The following MEFV variants were observed in gnomAD, a reference collection of about 807,000 sequenced individuals.
The protein encoded by MEFV is MEFV innate immunity regulator, pyrin, also known as pyrin.
MEFV carries 60 observed loss-of-function variants against 62.5 expected under a neutral mutation model. That is an observed-to-expected ratio of 0.96 (90% CI 0.78 to 1.19). MEFV has a LOEUF of 1.19. Among genes scored for constraint, MEFV ranks in the 50% most tolerant of loss-of-function variants. The pLI, the probability that MEFV is intolerant of heterozygous loss-of-function variation, is 0.00. For missense variants in MEFV, 1,169 were observed against 1,004.5 expected (o/e 1.16, Z -2.21); for synonymous variants, 500 against 415.2 (o/e 1.20, Z -2.48).
Position 3,244,923 on chromosome 16 carries a change from G to GA in MEFV, c.1611-336dup, listed in dbSNP as rs75994097. 9.2e-3 allele frequency among the ~76,000 whole-genome samples: 1,391 copies of GA among 151,554 alleles called. 16 individuals carry two copies. The highest frequency in any genetic ancestry group is 0.031 in the African/African-American group (1,286 of 41,354). ...CTATTGAAATAAAAAGATAATAAAT[G>GA]AAAAAAAAACACACACAACAAAATA... On this transcript the variant is annotated intron_variant, in intron 6 of 9. Coordinates refer to ENST00000219596, the MANE Select transcript of MEFV (RefSeq NM_000243.3).
chr16:3,246,835 TGA>T (rs1958949899), intron 5 of MEFV, among the ~76,000 whole-genome samples, 179 bp downstream of exon 5: 1 of 152,174 alleles, frequency 6.6e-6, no homozygotes, highest in African/African-American at 2.4e-5. Flanking sequence ...CCTGGGCTCC[TGA>T]GAGACCTCAT....
At position 3,246,230 on chromosome 16, in the gene MEFV, C is replaced by T. The variant is rs11466035; in HGVS notation, c.1610+295G>A. Among the ~76,000 whole-genome samples the T allele has an allele frequency of 8.3e-3, 1,271 of 152,248 alleles. 13 individuals carry two copies. Among genetic ancestry groups the T allele is most frequent in the African/African-American group, 0.028 (1,145 of 41,542 alleles). ...GGCAGCTTTCATCAGATGAACTGCA[C>T]GGGACACAATGCACTCGGAAGGTTT... is the stretch of plus-strand genomic sequence containing the variant. On this transcript the variant is annotated intron_variant, in intron 6 of 9. Coordinates refer to ENST00000219596, the MANE Select transcript of MEFV (RefSeq NM_000243.3).
chr16:3,254,611 G>GC lies in MEFV; in HGVS notation c.456dup (p.Leu153AlafsTer89). 1 of 1,601,970 alleles carries GC rather than the reference G, an allele frequency of 6.2e-7. No individual in the cohort carries two copies. Among genetic ancestry groups the GC allele is most frequent in the Non-Finnish European group, 8.5e-7 (1 of 1,176,502 alleles). On this transcript the variant is annotated frameshift_variant, in exon 2 of 10. Coordinates refer to ENST00000219596, the MANE Select transcript of MEFV (RefSeq NM_000243.3). LOFTEE classifies it high-confidence loss of function. ...CGTTTGCTCAGGGGCTTCCTCGACAGCCCCCTCCCGGCCTCGGGCTGGCTG... is the reference window on the plus strand; with the variant it reads ...CGTTTGCTCAGGGGCTTCCTCGACAGCCCCCCTCCCGGCCTCGGGCTGGCTG...
Position 3,243,088 on chromosome 16 carries a change from G to C in MEFV, c.*53C>G. The C allele has an allele frequency of 7.6e-6, 12 of 1,581,970 alleles. No homozygotes were observed. The South Asian group carries it at 1.3e-4, about 18-fold the overall frequency. ...AGTCGGCATTCCGTGACTATTGAGT[G>C]TGAATGCAAGATACAAGGCCAGAAG... On this transcript the variant is annotated 3_prime_UTR_variant, in exon 10 of 10. Coordinates refer to ENST00000219596, the MANE Select transcript of MEFV (RefSeq NM_000243.3).
intron 2 of MEFV, among the ~76,000 whole-genome samples, chr16:3,252,730 G>A (rs1596356968): frequency 6.8e-6 from 1 of 147,904 alleles, no homozygotes; most frequent in East Asian, 2.0e-4. Context: ...TTGAGCCCAA[G>A]AGTTCAAAAC....
chr16:3,256,240 C>A, intron 1 of MEFV, 71 bp downstream of exon 1: 2 of 1,556,144 alleles, frequency 1.3e-6, no homozygotes, highest in South Asian at 1.2e-5. Flanking sequence ...CTGCTCTGAG[C>A]TCCTGGTCCC....
chr16:3,252,562 C>T (rs1959052522), intron 2 of MEFV, among the ~76,000 whole-genome samples: 1 of 152,024 alleles, frequency 6.6e-6, no homozygotes. Flanking sequence ...GTATGAGCCA[C>T]CGCACCCGGC....
At chr16:3,254,036 G>T in intron 2 of MEFV, 122 bp downstream of exon 2, 1 of 1,078,772 alleles carries the variant, frequency 9.3e-7, no homozygotes, top group Non-Finnish European at 1.4e-6. Context: ...TCAAAGTCTT[G>T]GCCTCCAGCA....
intron 2 of MEFV, chr16:3,252,048 ATC>A (rs1959041852): frequency 6.6e-6 from 2 of 302,116 alleles, no homozygotes; most frequent in Non-Finnish European, 1.3e-5. Flanking sequence ...AAGACCCCAT[ATC>A]TAAAAAAAAA....
intron 4 of MEFV, 78 bp downstream of exon 4, chr16:3,248,831 A>C (rs1958984748): frequency 6.2e-7 from 1 of 1,608,690 alleles, no homozygotes; most frequent in East Asian, 2.2e-5. Context: ...GAACCACAGC[A>C]GAATCTCGGG....
intron 1 of MEFV, among the ~76,000 whole-genome samples, chr16:3,255,300 G>C (rs1674877706): frequency 6.6e-6 from 1 of 152,124 alleles, no homozygotes; most frequent in East Asian, 1.9e-4. Flanking sequence ...CTGAGTGACA[G>C]AGCAAGACTC....
At chr16:3,249,181 C>G (rs537364380) in intron 3 of MEFV, among the ~76,000 whole-genome samples, 177 bp from the exon 4 acceptor site, 25 of 152,318 alleles carry the variant, frequency 1.6e-4, no homozygotes, top group African/African-American at 5.8e-4. Flanking sequence ...CCAAAGGCAG[C>G]AGAGCTGAGA....
intron 2 of MEFV, chr16:3,252,150 G>T (rs1189302586): frequency 5.3e-6 from 1 of 189,300 alleles, no homozygotes; most frequent in East Asian, 1.4e-4. Flanking sequence ...AAGGATGCTA[G>T]GTTTTCCAGA....
Position 3,256,463 on chromosome 16 carries a change from C to T in MEFV, c.125G>A (p.Arg42Gln), listed in dbSNP as rs773202425. 5.0e-6 allele frequency: 8 copies of T among 1,614,196 alleles called. No homozygotes were observed. Among genetic ancestry groups the T allele is most frequent in the African/African-American group, 2.7e-5 (2 of 75,046 alleles). Residue 42 changes from arginine (R) to glutamine (Q), a missense_variant, in exon 1 of 10, where the codon CGG becomes CAG. Transcript: ENST00000219596. ...SVQKEHSRIP[R>Q]SQIQRARPVK... is the part of the protein sequence containing the mutation. ...CGGCCTGGCTCTCTGGATCTGGCTC[C>T]GGGGGATCCTGGAGTGCTCCTTCTG...
chr16:3,250,563 A>AACTCTGTT lies in MEFV; in HGVS notation c.911-784_911-783insAACAGAGT, dbSNP rs1959016416. Among the ~76,000 whole-genome samples the AACTCTGTT allele has an allele frequency of 2.0e-5, 3 of 151,964 alleles. No individual in the cohort carries two copies. In the South Asian group the frequency reaches 6.3e-4, roughly 32 times the overall value. Reference sequence around the variant, plus strand: ...GGTTGATGCTGCACCACTGCACTCCAGCCTGGGCAACAGAGTAAGATGCCA... The same window carrying AACTCTGTT: ...GGTTGATGCTGCACCACTGCACTCCAACTCTGTTGCCTGGGCAACAGAGTAAGATGCCA... On this transcript the variant is annotated intron_variant, in intron 2 of 9. Coordinates refer to ENST00000219596, the MANE Select transcript of MEFV (RefSeq NM_000243.3).
chr16:3,243,715 C>A (rs1958896589), intron 9 of MEFV, 21 bp from the exon 10 acceptor site: 1 of 1,611,820 alleles, frequency 6.2e-7, no homozygotes, highest in Non-Finnish European at 8.5e-7. Context: ...AATTTGAATA[C>A]CTAGGTAGGG....
chr16:3,253,846 T>C (rs1024687995), intron 2 of MEFV, among the ~76,000 whole-genome samples: 1 of 152,232 alleles, frequency 6.6e-6, no homozygotes, highest in African/African-American at 2.4e-5. Context: ...AGATGGGGTC[T>C]CACTGTGTTG....
At chr16:3,243,913 G>A in intron 8 of MEFV, 21 bp from the exon 9 acceptor site, 4 of 1,613,678 alleles carry the variant, frequency 2.5e-6, no homozygotes, top group South Asian at 1.1e-5. Context: ...AAATCAGATA[G>A]GGAAAAAAAT....
At chr16:3,248,593 A>G (rs1174956874) in intron 4 of MEFV, 1 of 533,176 alleles carries the variant, frequency 1.9e-6, no homozygotes, top group Non-Finnish European at 2.9e-6. Flanking sequence ...CCGTCACAAA[A>G]AAAGAAAGTG....
Sources: allele counts gnomAD v4.1 joint callset (sites outside exome capture counted in the v4.1 genomes callset), GRCh38; gene constraint gnomAD v4.1.1; transcripts MANE v1.5; gene names NCBI Gene and HGNC (gene_info 2026-07-23, HGNC 2026-07-21).